CIITA: variants seen among roughly 807,000 people sequenced by gnomAD.
CIITA encodes the protein MHC class II transactivator.
In CIITA, 72 loss-of-function variants were observed where a neutral mutation model predicts 115.1. That is an observed-to-expected ratio of 0.63 (90% CI 0.52 to 0.76). The LOEUF is 0.76. CIITA is among the 30% of genes least tolerant of loss of function. The pLI is 0.00. For synonymous variants in CIITA, 763 were observed against 635.6 expected (o/e 1.20, Z -3.02); for missense variants, 1,617 against 1,463.8 (o/e 1.10, Z -1.71).
intron 13 of CIITA, among the ~76,000 whole-genome samples, chr16:10,912,564 C>T (rs558464455): frequency 1.3e-5 from 2 of 152,314 alleles, no homozygotes; most frequent in African/African-American, 4.8e-5. Flanking sequence ...TGGTCACCCA[C>T]AAGCTATCAG....
Position 10,908,034 on chromosome 16 carries a change from C to A in CIITA, c.2542C>A (p.Leu848Met), listed in dbSNP as rs773764132. The change falls in exon 11 of 20, where the codon CTG becomes ATG. Residue 848 changes from leucine to methionine, a missense_variant. Leu to Met is a conservative substitution (Grantham distance 15). Transcript: ENST00000324288. Reference sequence around the variant, plus strand: ...CCTCACGCCTCCTGATGCACATGTACTGGGCAAGGCCTTGGAGGCGGCGGG... The same window carrying A: ...CCTCACGCCTCCTGATGCACATGTAATGGGCAAGGCCTTGGAGGCGGCGGG... ...TRLTPPDAHV[L>M]GKALEAAGQD... The A allele has an allele frequency of 1.9e-6, 3 of 1,612,558 alleles. No individual in the cohort carries two copies. The East Asian group carries it at 6.7e-5, about 36-fold the overall frequency.
chr16:10,869,372 C>T (rs2035316836), intron 1 of CIITA, among the ~76,000 whole-genome samples: 1 of 152,198 alleles, frequency 6.6e-6, no homozygotes, highest in African/African-American at 2.4e-5. Context: ...CTGCCTGGAG[C>T]ACTGTTCTCT....
In CIITA at chr16:10,895,677, A is replaced by G; in HGVS notation, c.208A>G (p.Thr70Ala). The part of the protein sequence containing the change: ...EEIELYSEPD[T>A]DTINCDQFSR... ...GGGACTTTTCCTCCCAGAACCCGAC[A>G]CAGACACCATCAACTGCGACCAGTT... The change falls in exon 3 of 20, where the codon ACA becomes GCA. Residue 70 changes from threonine (T) to alanine (A), a missense_variant. Physicochemically the swap from Thr to Ala is moderately conservative, Grantham distance 58. Transcript: ENST00000324288. 1.2e-6 allele frequency: 2 copies of G among 1,614,060 alleles called. No homozygotes were observed. The highest frequency in any genetic ancestry group is 1.7e-6 in the Non-Finnish European group (2 of 1,180,000).
intron 1 of CIITA, among the ~76,000 whole-genome samples, chr16:10,866,727 C>T (rs1027297789): frequency 1.3e-5 from 2 of 152,236 alleles, no homozygotes; most frequent in African/African-American, 2.4e-5. Flanking sequence ...ACTTGGAGCA[C>T]TGTCTCTGTT....
Position 10,908,159 on chromosome 16 carries a change from G to C in CIITA, c.2657+10G>C. ...GTGTCACCCGTTTCAGGTGGGGTGAGGGGCTTGGGGAAGAGACATCCTTGT... is the reference window on the plus strand; with the variant it reads ...GTGTCACCCGTTTCAGGTGGGGTGACGGGCTTGGGGAAGAGACATCCTTGT... On this transcript the variant is annotated intron_variant, in intron 11 of 19. Coordinates refer to ENST00000324288, the MANE Select transcript of CIITA (RefSeq NM_000246.4). The C allele has an allele frequency of 1.9e-6, 3 of 1,554,934 alleles. No homozygotes were observed. Among genetic ancestry groups the C allele is most frequent in the Non-Finnish European group, 2.6e-6 (3 of 1,149,028 alleles).
intron 16 of CIITA, among the ~76,000 whole-genome samples, chr16:10,919,000 C>T (rs530083546): frequency 1.3e-5 from 2 of 152,056 alleles, no homozygotes; most frequent in African/African-American, 4.8e-5. Flanking sequence ...TGGTGTGGTC[C>T]CAGAGGTAAT....
intron 1 of CIITA, among the ~76,000 whole-genome samples, chr16:10,878,614 G>C (rs999231062): frequency 6.6e-6 from 1 of 152,192 alleles, no homozygotes; most frequent in Non-Finnish European, 1.5e-5. Flanking sequence ...CCACTTTCAC[G>C]GTTGGACTGA....
chr16:10,898,142 G>A (rs939383763), intron 3 of CIITA, among the ~76,000 whole-genome samples: 5 of 152,056 alleles, frequency 3.3e-5, no homozygotes, highest in Non-Finnish European at 7.4e-5. Flanking sequence ...TCATGTCATG[G>A]TGCCTATATT....
Position 10,895,356 on chromosome 16 carries a change from G to C in CIITA, c.127G>C (p.Asp43His). ...CCTGGAGCTTCTTAACAGCGATGCTGACCCCCTGTGCCTCTACCACTTCTA... is the reference window on the plus strand; with the variant it reads ...CCTGGAGCTTCTTAACAGCGATGCTCACCCCCTGTGCCTCTACCACTTCTA... ...GYLELLNSDA[D>H]PLCLYHFYDQ... Residue 43 changes from aspartate (D) to histidine (H), a missense_variant, in exon 2 of 20, where the codon GAC (aspartate) becomes CAC (histidine). Coordinates refer to ENST00000324288, the MANE Select transcript of CIITA (RefSeq NM_000246.4). 1 of 1,614,086 alleles carries C rather than the reference G, an allele frequency of 6.2e-7. No individual in the cohort carries two copies. Among genetic ancestry groups the C allele is most frequent in the Non-Finnish European group, 8.5e-7 (1 of 1,180,018 alleles).
rs770284013 is a variant in CIITA at position 10,907,590 on chromosome 16, C to T, written c.2098C>T (p.Arg700Trp). The change falls in exon 11 of 20, where the codon CGG becomes TGG. Residue 700 changes from arginine to tryptophan, a missense_variant. By Grantham distance (101) the Arg-to-Trp change is moderately radical. Coordinates refer to ENST00000324288, the MANE Select transcript of CIITA (RefSeq NM_000246.4). The surrounding 1 kb of genome is among the most constrained non-coding windows in gnomAD (Gnocchi z 5.0). ...MAKGLVQHPP[R>W]AAESELAFPS... Reference sequence around the variant, plus strand: ...CAAAGGCTTAGTCCAACACCCACCGCGGGCCGCAGAGTCCGAGCTGGCCTT... The same window carrying T: ...CAAAGGCTTAGTCCAACACCCACCGTGGGCCGCAGAGTCCGAGCTGGCCTT... 32 of 1,614,060 alleles carry T rather than the reference C, an allele frequency of 2.0e-5. No individual in the cohort carries two copies. Among genetic ancestry groups the T allele is most frequent in the African/African-American group, 1.6e-4 (12 of 74,930 alleles).
At position 10,927,700 on chromosome 16, in the gene CIITA, A is replaced by C. The variant is rs1596634360; in HGVS notation, c.*3845A>C. The stretch of plus-strand genomic sequence containing the variant: ...GTGGAGCCTTTTAACCCAGAGGGGC[A>C]TCTTTTCGTAGTTAACGCACAGTCA... On this transcript the variant is annotated 3_prime_UTR_variant, in exon 20 of 20. Transcript: ENST00000324288. The C allele has an allele frequency of 1.3e-5, 2 of 152,182 alleles. No homozygotes were observed. The highest frequency in any genetic ancestry group is 3.9e-4 in the East Asian group (2 of 5,188). The allele number at this position is 152,182 out of a possible 1,614,324, so 9.4% of individuals were successfully genotyped here. A position where few individuals can be genotyped will look rare whatever the true frequency, so the allele number is the denominator to read the frequency against.
rs2041003246 is a variant in CIITA, at chr16:10,935,871, A to C, written c.*12016A>C. 1 of 152,282 alleles carries C rather than the reference A, an allele frequency of 6.6e-6. No individual in the cohort carries two copies. Among genetic ancestry groups the C allele is most frequent in the Admixed American group, 6.5e-5 (1 of 15,288 alleles). The allele number at this position is 152,282 out of a possible 1,614,324, so 9.4% of individuals were successfully genotyped here. On this transcript the variant is annotated 3_prime_UTR_variant, in exon 20 of 20. Transcript: ENST00000324288. The stretch of plus-strand genomic sequence containing the variant: ...TGTCAATGTCACAAGAGAGAAAGAC[A>C]GACTGAAGAGCTGATCCAGACTGAA...
At chr16:10,910,106 TG>T (rs1283023810) in intron 12 of CIITA, 81 bp from the exon 13 acceptor site, 2 of 1,188,732 alleles carry the variant, frequency 1.7e-6, no homozygotes, top group Non-Finnish European at 2.5e-6. Context: ...TTTGGGGCAC[TG>T]GGGCAGCCAT....
chr16:10,874,621 C>T (rs45519436), upstream of CIITA, among the ~76,000 whole-genome samples: 14 of 152,156 alleles, frequency 9.2e-5, no homozygotes, highest in East Asian at 1.9e-3. Context: ...AGACCTGCAC[C>T]GACACAGGCA....
Position 10,878,455 on chromosome 16 carries a change from C to T in CIITA, c.52+1073C>T, listed in dbSNP as rs1346503705. The stretch of plus-strand genomic sequence containing the variant: ...TGAAAAGGACCGGCAGGGCTCTTGC[C>T]ACGGCTGGGGGTGTGGTCATGGTAA... On this transcript the variant is annotated intron_variant, in intron 1 of 19. Coordinates refer to ENST00000324288, the MANE Select transcript of CIITA (RefSeq NM_000246.4). Among the ~76,000 whole-genome samples, 6 of 152,196 alleles carry T rather than the reference C, an allele frequency of 3.9e-5. No individual in the cohort carries two copies. In the East Asian group the frequency reaches 1.2e-3, roughly 29 times the overall value.
Position 10,933,694 on chromosome 16 carries a change from C to G in CIITA, c.*9839C>G, listed in dbSNP as rs1275336678. ...GGTAGAAACCAATACCGGCAGGGAA[C>G]CTTCTCAAGGCTAGGGGCCTTCTGA... is the stretch of plus-strand genomic sequence containing the variant. On this transcript the variant is annotated 3_prime_UTR_variant, in exon 20 of 20. Coordinates refer to ENST00000324288, the MANE Select transcript of CIITA (RefSeq NM_000246.4). The G allele has an allele frequency of 1.3e-5, 2 of 152,346 alleles. No homozygotes were observed. Among genetic ancestry groups the G allele is most frequent in the African/African-American group, 4.8e-5 (2 of 41,448 alleles). 9.4% of individuals were successfully genotyped at this position (152,346 alleles called of 1,614,324 possible).
In CIITA at chr16:10,895,641, T is replaced by A. The variant is rs1459317821; in HGVS notation, c.200-28T>A. The stretch of plus-strand genomic sequence containing the variant: ...CCAGCCCTCTTTCCAGAAATTTCCT[T>A]CTTCATCCAAGGGACTTTTCCTCCC... On this transcript the variant is annotated intron_variant, in intron 2 of 19. Transcript: ENST00000324288. The A allele has an allele frequency of 1.9e-6, 3 of 1,613,686 alleles. No individual in the cohort carries two copies. In the African/African-American group the frequency reaches 4.0e-5, roughly 22 times the overall value.
Position 10,906,842 on chromosome 16 carries a change from T to C in CIITA, c.1350T>C (p.Ser450=). 6.2e-7 allele frequency: 1 copy of C among 1,613,288 alleles called. No homozygotes were observed. Among genetic ancestry groups the C allele is most frequent in the Non-Finnish European group, 8.5e-7 (1 of 1,180,014 alleles). Residue 450 remains serine (S), a synonymous_variant, in exon 11 of 20, where the codon TCT becomes TCC. Transcript: ENST00000324288. ...TTCCCCAGTACGACTTTGTCTTCTCTGTCCCCTGCCATTGCTTGAACCGTC... is the reference window on the plus strand; with the variant it reads ...TTCCCCAGTACGACTTTGTCTTCTCCGTCCCCTGCCATTGCTTGAACCGTC... ...GRLPQYDFVF[S]VPCHCLNRPG... is the part of the protein sequence containing the mutation.
At chr16:10,883,696 G>A (rs2036643952) in intron 1 of CIITA, among the ~76,000 whole-genome samples, 1 of 152,174 alleles carries the variant, frequency 6.6e-6, no homozygotes, top group Non-Finnish European at 1.5e-5. Flanking sequence ...GATTGTCTGG[G>A]AAGCCAAGTA....
Sources: gnomAD v4.1 joint callset for allele counts (sites outside exome capture counted in the v4.1 genomes callset) on GRCh38, gnomAD v4.1.1 for gene constraint, Gnocchi (gnomAD v3.1) non-coding constraint, MANE v1.5 for transcripts, NCBI Gene and HGNC (gene_info 2026-07-23, HGNC 2026-07-21) for gene names.